The following SCAI variants were observed in gnomAD, a reference collection of about 807,000 sequenced individuals.
The protein encoded by SCAI is protein SCAI.
Under a neutral mutation model 92.2 loss-of-function variants are expected in SCAI, and 24 were observed. The observed-to-expected ratio is 0.26, with a 90% confidence interval of 0.19 to 0.37. The LOEUF (loss-of-function observed/expected upper bound fraction) is 0.37, where lower values mean the gene tolerates loss of function less well. SCAI is among the 10% of genes least tolerant of loss of function. SCAI has a pLI of 1.00. For synonymous variants in SCAI, 261 were observed against 258.6 expected, an observed-to-expected ratio of 1.01 and a Z score of -0.09; for missense variants, 450 against 736.2, an observed-to-expected ratio of 0.61 and a Z score of 4.50.
chr9:125,069,375 T>C (rs1833933288), intron 2 of SCAI, among the ~76,000 whole-genome samples: 2 of 150,198 alleles, frequency 1.3e-5, no homozygotes, highest in South Asian at 4.3e-4. Context: ...TGGAGTCCAG[T>C]GGCGTGATCT....
chr9:125,011,613 A>G (rs62582242), intron 9 of SCAI, among the ~76,000 whole-genome samples: 1 of 152,200 alleles, frequency 6.6e-6, no homozygotes, highest in African/African-American at 2.4e-5. Flanking sequence ...CACTCTGCGG[A>G]TATTATCCAG....
In SCAI at chr9:125,029,749, T is replaced by G; in HGVS notation, c.231-10A>C. ...ATATTGTGGCAAATCTCTGTAATAGTAAATGAGTATGTATTAATATTAAAC... is the reference window on the plus strand; with the variant it reads ...ATATTGTGGCAAATCTCTGTAATAGGAAATGAGTATGTATTAATATTAAAC... On this transcript the variant is annotated splice_polypyrimidine_tract_variant and intron_variant, in intron 3 of 17. Coordinates refer to ENST00000336505, the MANE Select transcript of SCAI (RefSeq NM_001144877.3). The G allele has an allele frequency of 6.7e-7, 1 of 1,494,828 alleles. No individual in the cohort carries two copies. Among genetic ancestry groups the G allele is most frequent in the Non-Finnish European group, 9.3e-7 (1 of 1,076,800 alleles). The allele number at this position is 1,494,828 out of a possible 1,614,324, so 92.6% of individuals were successfully genotyped here.
At chr9:125,013,030 G>A (rs1282256884) in intron 9 of SCAI, among the ~76,000 whole-genome samples, 2 of 152,034 alleles carry the variant, frequency 1.3e-5, no homozygotes. Flanking sequence ...ATTCAAAGCA[G>A]TGTGTAGAGG....
chr9:125,092,058 A>T (rs1186733581), intron 2 of SCAI, among the ~76,000 whole-genome samples: 1 of 144,598 alleles, frequency 6.9e-6, no homozygotes, highest in Non-Finnish European at 1.5e-5. Context: ...TGAACCCAGG[A>T]GGCGGAGCTT....
chr9:125,079,272 T>C (rs1834157656), intron 2 of SCAI, among the ~76,000 whole-genome samples: 1 of 152,240 alleles, frequency 6.6e-6, no homozygotes, highest in Admixed American at 6.5e-5. Context: ...AGTTATGTTA[T>C]TGTTAATTAT....
intron 2 of SCAI, among the ~76,000 whole-genome samples, chr9:125,084,271 C>T (rs994323029): frequency 6.8e-6 from 1 of 147,878 alleles, no homozygotes; most frequent in African/African-American, 2.5e-5. Context: ...CCCAGGTTCA[C>T]GCCGTTCTCC....
chr9:125,067,320 G>A (rs552615154), intron 2 of SCAI, among the ~76,000 whole-genome samples: 2 of 152,308 alleles, frequency 1.3e-5, no homozygotes, highest in South Asian at 2.1e-4. Context: ...TAAGGCCTAA[G>A]TTAAGATGAC....
At chr9:124,968,719 T>G in intron 17 of SCAI, 1 of 1,401,798 alleles carries the variant, frequency 7.1e-7, no homozygotes, top group Non-Finnish European at 1.0e-6. Context: ...ACACTCTGCT[T>G]TTTGACATTC....
In SCAI at chr9:125,016,568, T is replaced by G. The variant is rs1281362142; in HGVS notation, c.861+2231A>C. 5.9e-5 allele frequency among the ~76,000 whole-genome samples: 9 copies of G among 152,138 alleles called. No homozygotes were observed. The South Asian group carries it at 6.2e-4, about 11-fold the overall frequency. On this transcript the variant is annotated intron_variant, in intron 9 of 17. Coordinates refer to ENST00000336505, the MANE Select transcript of SCAI (RefSeq NM_001144877.3). ...CTATTAAAATGCCATAATAATGAAG[T>G]CAGAAGTATCAGCATAATAGACAAA...
chr9:124,960,368 T>C (rs1181819449), intron 17 of SCAI, among the ~76,000 whole-genome samples: 1 of 152,162 alleles, frequency 6.6e-6, no homozygotes, highest in East Asian at 1.9e-4. Context: ...GTATTCAGAT[T>C]ACAGACAGGA....
chr9:124,945,001 G>A lies in SCAI; in HGVS notation c.*7806C>T, dbSNP rs1212870311. ...ATTAGCTTTCATTCCATAAGCCTAG[G>A]AGAAAAGTATAAAACCTAAAATTAC... is the stretch of plus-strand genomic sequence containing the variant. On this transcript the variant is annotated 3_prime_UTR_variant, in exon 18 of 18. Transcript: ENST00000336505. 1 of 152,058 alleles carries A rather than the reference G, an allele frequency of 6.6e-6. No homozygotes were observed. Among genetic ancestry groups the A allele is most frequent in the Admixed American group, 6.5e-5 (1 of 15,270 alleles). 9.4% of individuals were successfully genotyped at this position (152,058 alleles called of 1,614,324 possible). A position where few individuals can be genotyped will look rare whatever the true frequency, so the allele number is the denominator to read the frequency against.
At chr9:125,111,262 G>GA (rs984565553) in intron 2 of SCAI, among the ~76,000 whole-genome samples, 2 of 150,974 alleles carry the variant, frequency 1.3e-5, no homozygotes, top group Non-Finnish European at 3.0e-5. Flanking sequence ...AAAAGAGAAA[G>GA]AAAAAAAATC....
rs1834010043 is a variant in SCAI, at chr9:125,073,092, A to ATATTTTTTT, written c.99-17086_99-17085insAAAAAAATA. The stretch of plus-strand genomic sequence containing the variant: ...GGATCATATGAGGATTCTATTTTTA[A>ATATTTTTTT]TTTTTTTTTTTTTTTTTTTTTTTTT... On this transcript the variant is annotated intron_variant, in intron 2 of 17. Transcript: ENST00000336505. Among the ~76,000 whole-genome samples the ATATTTTTTT allele has an allele frequency of 4.1e-5, 3 of 72,478 alleles. No individual in the cohort carries two copies. The South Asian group carries it at 1.5e-3, about 37-fold the overall frequency. The allele number at this position is 72,478 out of a possible 152,430, so 47.5% of individuals were successfully genotyped here. A position where few individuals can be genotyped will look rare whatever the true frequency, so the allele number is the denominator to read the frequency against.
chr9:125,090,122 C>G (rs548444323), intron 2 of SCAI, among the ~76,000 whole-genome samples: 105 of 152,324 alleles, frequency 6.9e-4, no homozygotes, highest in African/African-American at 2.3e-3. Context: ...ATGACTACAA[C>G]AACCCCCTTC....
chr9:125,068,451 CT>C (rs1833914195), intron 2 of SCAI, among the ~76,000 whole-genome samples: 1 of 152,004 alleles, frequency 6.6e-6, no homozygotes. Flanking sequence ...AGTGAGCTGA[CT>C]GAGCCACCAC....
intron 2 of SCAI, chr9:125,066,115 T>G: frequency 1.5e-6 from 1 of 659,856 alleles, no homozygotes; most frequent in Non-Finnish European, 2.7e-6. Context: ...TATTTGTACA[T>G]AACATGAACA....
chr9:125,068,321 CA>C (rs1484254036), intron 2 of SCAI, among the ~76,000 whole-genome samples: 1 of 151,700 alleles, frequency 6.6e-6, no homozygotes, highest in African/African-American at 2.4e-5. Flanking sequence ...GGCAACAAAG[CA>C]AGACCCCATC....
At chr9:124,963,597 A>G (rs1186404607) in intron 17 of SCAI, among the ~76,000 whole-genome samples, 1 of 151,656 alleles carries the variant, frequency 6.6e-6, no homozygotes, top group Non-Finnish European at 1.5e-5. Context: ...TAAAAATACA[A>G]AAATTAGGCG....
At chr9:125,143,307 G>T (rs1454825327) in intron 1 of SCAI, 78 bp downstream of exon 1, 2 of 528,622 alleles carry the variant, frequency 3.8e-6, no homozygotes, top group Non-Finnish European at 5.0e-6. Context: ...ATGCTCCACC[G>T]CCCCGAGCCG....
Sources: gnomAD v4.1 joint callset for allele counts (sites outside exome capture counted in the v4.1 genomes callset) on GRCh38, gnomAD v4.1.1 for gene constraint, MANE v1.5 for transcripts, NCBI Gene and HGNC (gene_info 2026-07-23, HGNC 2026-07-21) for gene names.